Variants in SERAC1 observed in about 807,000 individuals in gnomAD.
The protein encoded by SERAC1 is protein SERAC1.
A neutral mutation model predicts 85.7 loss-of-function variants in SERAC1; 36 were observed. That is an observed-to-expected ratio of 0.42 (90% confidence interval 0.32 to 0.55). The LOEUF (loss-of-function observed/expected upper bound fraction) is 0.55. Ranked by LOEUF, SERAC1 falls within the 20% of genes least tolerant of loss-of-function variation. SERAC1 has a pLI of 0.11. For synonymous variants in SERAC1, 242 were observed against 265.3 expected (o/e 0.91, Z 0.85); for missense variants, 629 against 796.2 (o/e 0.79, Z 2.53).
chr6:158,160,908 C>T (rs1053416666), intron 1 of SERAC1: 5 of 152,128 alleles, frequency 3.3e-5, no homozygotes, highest in African/African-American at 9.7e-5. Flanking sequence ...TATTTACCAA[C>T]ATTTTGTCAG....
Position 158,120,502 on chromosome 6 carries a change from C to T in SERAC1, c.1089G>A (p.Leu363=). The change falls in exon 11 of 17, where the codon CTG becomes CTA. Residue 363 remains leucine, a synonymous_variant. Transcript: ENST00000647468. The surrounding 1 kb of genome is among the most constrained non-coding windows in gnomAD (Gnocchi z 4.4). ...GCACAGTTTCTCGGTCTAGATTTGC[C>T]AGGATTCTGGCAGCGTGTGAGGACT... The part of the protein sequence containing the change: ...IMESSHAARI[L]ANLDRETVQE... 1.2e-6 allele frequency: 2 copies of T among 1,614,010 alleles called. No individual in the cohort carries two copies. Among genetic ancestry groups the T allele is most frequent in the Non-Finnish European group, 1.7e-6 (2 of 1,179,986 alleles).
chr6:158,127,374 G>C (rs1784567990), intron 10 of SERAC1, among the ~76,000 whole-genome samples: 1 of 67,114 alleles, frequency 1.5e-5, no homozygotes, highest in African/African-American at 5.4e-5. Context: ...AGGGAGGTGG[G>C]GGGGTCAGCC....
intron 3 of SERAC1, among the ~76,000 whole-genome samples, chr6:158,151,500 C>A (rs185201861): frequency 1.5e-4 from 23 of 152,270 alleles, no homozygotes; most frequent in Non-Finnish European, 2.9e-4. Context: ...CGGCTCACCG[C>A]AAGCTCTACC....
intron 3 of SERAC1, chr6:158,150,940 G>A (rs576485328): frequency 1.3e-4 from 26 of 203,558 alleles, no homozygotes; most frequent in Middle Eastern, 2.1e-3. Context: ...ATACAATTAC[G>A]TATAGTACAT....
chr6:158,117,202 A>G lies in SERAC1; in HGVS notation c.1403+525T>C. On this transcript the variant is annotated intron_variant, in intron 13 of 16. Coordinates refer to ENST00000647468, the MANE Select transcript of SERAC1 (RefSeq NM_032861.4). This position sits in a 1 kb window ranked among gnomAD's most constrained non-coding sequence, Gnocchi z 4.3. ...TTAGACCAACTCTGTCAATCTGTAG[A>G]CAAAGCTTCCCGGAAAAGTTAACTG... 2 of 276,024 alleles carry G rather than the reference A, an allele frequency of 7.2e-6. No individual in the cohort carries two copies. The highest frequency in any genetic ancestry group is 1.4e-5 in the Non-Finnish European group (2 of 146,290). 17.1% of individuals were successfully genotyped at this position (276,024 alleles called of 1,614,324 possible). A position where few individuals can be genotyped will look rare whatever the true frequency, so the allele number is the denominator to read the frequency against.
rs1784373960 is a variant in SERAC1 at position 158,119,616 on chromosome 6, AG to A, written c.1167-447del. Among the ~76,000 whole-genome samples, 1 of 152,244 alleles carries A rather than the reference AG, an allele frequency of 6.6e-6. No individual in the cohort carries two copies. The highest frequency in any genetic ancestry group is 6.5e-5 in the Admixed American group (1 of 15,276). On this transcript the variant is annotated intron_variant, in intron 11 of 16. Transcript: ENST00000647468. This position sits in a 1 kb window ranked among gnomAD's most constrained non-coding sequence, Gnocchi z 4.5. ...TAAGGAAACTAATACTTATAAAATG[AG>A]ATTTCAAAGTAACATTCACTCATTG...
chr6:158,143,197 G>T lies in SERAC1; in HGVS notation c.610-13C>A. On this transcript the variant is annotated splice_polypyrimidine_tract_variant and intron_variant, in intron 7 of 16. Coordinates refer to ENST00000647468, the MANE Select transcript of SERAC1 (RefSeq NM_032861.4). ...CAGTGGAAGAATCCTGAAATAAAAG[G>T]AAAGGAAATTCTTCATAAATACTCA... 1 of 1,607,484 alleles carries T rather than the reference G, an allele frequency of 6.2e-7. No homozygotes were observed. The highest frequency in any genetic ancestry group is 8.5e-7 in the Non-Finnish European group (1 of 1,177,876).
intron 1 of SERAC1, among the ~76,000 whole-genome samples, chr6:158,163,373 T>C (rs1433175547): frequency 6.6e-6 from 1 of 152,216 alleles, no homozygotes; most frequent in Non-Finnish European, 1.5e-5. Flanking sequence ...GTAGAGGGAA[T>C]AGATGAATAC....
intron 1 of SERAC1, among the ~76,000 whole-genome samples, chr6:158,165,176 CAG>C (rs960145882): frequency 1.1e-4 from 17 of 151,626 alleles, no homozygotes; most frequent in African/African-American, 4.1e-4. Flanking sequence ...TTTTTTGAGA[CAG>C]AGTCTCTCAC....
chr6:158,163,783 A>G (rs1262526702), intron 1 of SERAC1, among the ~76,000 whole-genome samples: 1 of 151,938 alleles, frequency 6.6e-6, no homozygotes, highest in Non-Finnish European at 1.5e-5. Flanking sequence ...CCCAGGCAGG[A>G]TGGAGTGCAG....
intron 8 of SERAC1, among the ~76,000 whole-genome samples, chr6:158,142,506 C>G (rs2128419709): frequency 6.8e-6 from 1 of 146,948 alleles, no homozygotes; most frequent in South Asian, 2.2e-4. Context: ...GAGGCGGAGT[C>G]TCGCTCTGTC....
chr6:158,118,278 G>A (rs968517179), intron 12 of SERAC1, among the ~76,000 whole-genome samples: 1 of 152,122 alleles, frequency 6.6e-6, no homozygotes, highest in Non-Finnish European at 1.5e-5. Flanking sequence ...ACCAGAAAGT[G>A]CAAATCATTC....
intron 7 of SERAC1, 117 bp from the exon 8 acceptor site, chr6:158,143,301 GCA>G (rs1784962789): frequency 1.1e-6 from 1 of 918,330 alleles, no homozygotes; most frequent in South Asian, 1.9e-5. Flanking sequence ...TATTATGTGT[GCA>G]TGTCTCTCTC....
At chr6:158,114,585 G>A (rs1784231176) in intron 15 of SERAC1, 2 of 1,240,346 alleles carry the variant, frequency 1.6e-6, no homozygotes, top group Non-Finnish European at 2.0e-6. Context: ...TTATTACAAT[G>A]CTTGAGTAAA....
chr6:158,120,021 C>G lies in SERAC1; in HGVS notation c.1166+404G>C, dbSNP rs1784382784. 6.6e-6 allele frequency among the ~76,000 whole-genome samples: 1 copy of G among 152,170 alleles called. No homozygotes were observed. Among genetic ancestry groups the G allele is most frequent in the Non-Finnish European group, 1.5e-5 (1 of 68,032 alleles). ...TCTCCAGTCCCTTGAGTTCTAGGCC[C>G]AGGCTAATTTGGTTGCCACATAAGA... On this transcript the variant is annotated intron_variant, in intron 11 of 16. Transcript: ENST00000647468. This position sits in a 1 kb window ranked among gnomAD's most constrained non-coding sequence, Gnocchi z 4.4.
intron 8 of SERAC1, among the ~76,000 whole-genome samples, chr6:158,141,885 A>G (rs1403037553): frequency 6.6e-6 from 1 of 152,240 alleles, no homozygotes; most frequent in East Asian, 1.9e-4. Context: ...AAAGTATACT[A>G]GACAAGTCAT....
intron 1 of SERAC1, among the ~76,000 whole-genome samples, chr6:158,166,444 T>C (rs889190226): frequency 7.1e-5 from 9 of 126,400 alleles, no homozygotes; most frequent in African/African-American, 2.2e-4. Context: ...AGAGACCTTA[T>C]TTTTCTTCTT....
At chr6:158,146,661 TG>T in intron 6 of SERAC1, 120 bp downstream of exon 6, 1 of 1,212,186 alleles carries the variant, frequency 8.2e-7, no homozygotes. Flanking sequence ...CCAACCAGCG[TG>T]GCCTCCCAAA....
chr6:158,136,581 G>A (rs1326760471), intron 8 of SERAC1, among the ~76,000 whole-genome samples: 1 of 152,094 alleles, frequency 6.6e-6, no homozygotes, highest in Non-Finnish European at 1.5e-5. Flanking sequence ...CCGCAGCCTC[G>A]AACTCCTGGA....
Sources: gnomAD v4.1 joint callset for allele counts (sites outside exome capture counted in the v4.1 genomes callset) on GRCh38, gnomAD v4.1.1 for gene constraint, Gnocchi (gnomAD v3.1) non-coding constraint, MANE v1.5 for transcripts, NCBI Gene and HGNC (gene_info 2026-07-23, HGNC 2026-07-21) for gene names.